The following PARD3B variants were observed in gnomAD, a reference collection of about 807,000 sequenced individuals.
The protein encoded by PARD3B is partitioning defective 3 homolog B.
A neutral mutation model predicts 130.2 loss-of-function variants in PARD3B; 103 were observed. The ratio of observed to expected loss-of-function variants is 0.79; its 90% confidence interval spans 0.67 to 0.93. The LOEUF is 0.93. Ranked by LOEUF, PARD3B falls within the 40% of genes least tolerant of loss-of-function variation. The pLI is 0.00. For missense variants in PARD3B, 1,609 were observed against 1,499.2 expected, an observed-to-expected ratio of 1.07 and a Z score of -1.21; for synonymous variants, 583 against 553.2, an observed-to-expected ratio of 1.05 and a Z score of -0.76.
intron 22 of PARD3B, among the ~76,000 whole-genome samples, chr2:205,612,358 T>A (rs1052614718): frequency 1.3e-5 from 2 of 152,108 alleles, no homozygotes; most frequent in African/African-American, 4.8e-5. Context: ...ACCAGGCTGG[T>A]CTCAAACTCC....
At position 205,572,113 on chromosome 2, in the gene PARD3B, A is replaced by G. The variant is rs2053579358; in HGVS notation, c.3260+18710A>G. Among the ~76,000 whole-genome samples the G allele has an allele frequency of 6.6e-6, 1 of 152,152 alleles. No homozygotes were observed. Among genetic ancestry groups the G allele is most frequent in the African/African-American group, 2.4e-5 (1 of 41,438 alleles). Reference sequence around the variant, plus strand: ...ATTTATTGATTCATTCATTCAGTAAACTTTTACATAAATACTACTATATAG... The same window carrying G: ...ATTTATTGATTCATTCATTCAGTAAGCTTTTACATAAATACTACTATATAG... On this transcript the variant is annotated intron_variant, in intron 22 of 22. Coordinates refer to ENST00000406610, the MANE Select transcript of PARD3B (RefSeq NM_001302769.2). The surrounding 1 kb of genome is among the most constrained non-coding windows in gnomAD (Gnocchi z 4.2).
chr2:205,191,678 TC>T (rs1335309349), intron 14 of PARD3B, among the ~76,000 whole-genome samples: 1 of 152,222 alleles, frequency 6.6e-6, no homozygotes, highest in Non-Finnish European at 1.5e-5. Flanking sequence ...CTCATTCTAT[TC>T]TCTCAACAAC....
intron 18 of PARD3B, among the ~76,000 whole-genome samples, chr2:205,337,026 A>C (rs1487498051): frequency 6.6e-6 from 1 of 151,982 alleles, no homozygotes; most frequent in Non-Finnish European, 1.5e-5. Context: ...ATGTAACCTA[A>C]CAAGTGTTAT....
At chr2:204,788,338 G>A (rs2042082668) in intron 2 of PARD3B, among the ~76,000 whole-genome samples, 1 of 152,222 alleles carries the variant, frequency 6.6e-6, no homozygotes, top group Non-Finnish European at 1.5e-5. Context: ...TTATCTCATA[G>A]GGATTGTCTA....
intron 3 of PARD3B, among the ~76,000 whole-genome samples, chr2:204,974,868 T>G (rs1439213713): frequency 6.6e-6 from 1 of 152,202 alleles, no homozygotes; most frequent in South Asian, 2.1e-4. Context: ...CAATAATTAT[T>G]TATTGATAAC....
chr2:205,463,560 A>C lies in PARD3B; in HGVS notation c.3044+22888A>C, dbSNP rs1298934292. Among the ~76,000 whole-genome samples, 1 of 152,194 alleles carries C rather than the reference A, an allele frequency of 6.6e-6. No individual in the cohort carries two copies. Among genetic ancestry groups the C allele is most frequent in the Non-Finnish European group, 1.5e-5 (1 of 68,034 alleles). The stretch of plus-strand genomic sequence containing the variant: ...TCTGAGAACGGGGAGAGAGATCATT[A>C]CACTTCTGCTCATGGTTAGCTATTT... On this transcript the variant is annotated intron_variant, in intron 20 of 22. Transcript: ENST00000406610. The surrounding 1 kb of genome is among the most constrained non-coding windows in gnomAD (Gnocchi z 4.8).
intron 4 of PARD3B, among the ~76,000 whole-genome samples, chr2:205,053,342 A>G (rs778722497): frequency 4.0e-4 from 60 of 149,832 alleles, no homozygotes; most frequent in Non-Finnish European, 3.4e-4. Context: ...GCTGACTATC[A>G]AAATCCAACA....
In PARD3B at chr2:204,669,072, G is replaced by A. The variant is rs2036160017; in HGVS notation, c.121-17109G>A. Among the ~76,000 whole-genome samples the A allele has an allele frequency of 6.6e-6, 1 of 152,166 alleles. No individual in the cohort carries two copies. The highest frequency in any genetic ancestry group is 1.5e-5 in the Non-Finnish European group (1 of 68,012). On this transcript the variant is annotated intron_variant, in intron 1 of 22. Coordinates refer to ENST00000406610, the MANE Select transcript of PARD3B (RefSeq NM_001302769.2). This position sits in a 1 kb window ranked among gnomAD's most constrained non-coding sequence, Gnocchi z 4.3. ...CCACTCACATCTTGATGTTCACCTA[G>A]TAAGATCCACGCCTGACTTCAGGCC...
At chr2:204,783,909 G>C (rs942405338) in intron 2 of PARD3B, among the ~76,000 whole-genome samples, 13 of 152,132 alleles carry the variant, frequency 8.5e-5, no homozygotes, top group Admixed American at 7.9e-4. Context: ...TTGGAATACA[G>C]TATAAAAACT....
rs1337059490 is a variant in PARD3B at position 205,187,732 on chromosome 2, T to C, written c.2024+1869T>C. 6.6e-6 allele frequency among the ~76,000 whole-genome samples: 1 copy of C among 152,218 alleles called. No individual in the cohort carries two copies. Among genetic ancestry groups the C allele is most frequent in the Non-Finnish European group, 1.5e-5 (1 of 68,036 alleles). On this transcript the variant is annotated intron_variant, in intron 14 of 22. Transcript: ENST00000406610. The surrounding 1 kb of genome is among the most constrained non-coding windows in gnomAD (Gnocchi z 4.9). ...AAAAGTTTATATTGCTCCTCGCTGC[T>C]GTAAATCTTCATTACATGGTATGAA...
chr2:204,614,262 A>C (rs1024392142), intron 1 of PARD3B, among the ~76,000 whole-genome samples: 4 of 152,190 alleles, frequency 2.6e-5, no homozygotes, highest in African/African-American at 9.7e-5. Flanking sequence ...TTTCCCAATA[A>C]ATCCAAAATA....
At position 205,021,598 on chromosome 2, in the gene PARD3B, C is replaced by CT. The variant is rs1176277492; in HGVS notation, c.395-25982dup. Among the ~76,000 whole-genome samples, 1 of 131,206 alleles carries CT rather than the reference C, an allele frequency of 7.6e-6. No individual in the cohort carries two copies. The highest frequency in any genetic ancestry group is 3.5e-5 in the African/African-American group (1 of 28,188). 86.1% of individuals were successfully genotyped at this position (131,206 alleles called of 152,430 possible). A position where few individuals can be genotyped will look rare whatever the true frequency, so the allele number is the denominator to read the frequency against. On this transcript the variant is annotated intron_variant, in intron 3 of 22. Transcript: ENST00000406610. This position sits in a 1 kb window ranked among gnomAD's most constrained non-coding sequence, Gnocchi z 4.5. ...CTCTCTTCTCTCTCTCTTCTCTTCT[C>CT]TCTCTCTCTCTCTCTCTCTCTCCCT...
chr2:205,378,309 T>C (rs1483229777), intron 18 of PARD3B, among the ~76,000 whole-genome samples: 4 of 152,184 alleles, frequency 2.6e-5, no homozygotes, highest in Non-Finnish European at 4.4e-5. Context: ...CTGATCTCAG[T>C]GCCCTGAACA....
chr2:205,380,196 A>G (rs1389594251), intron 18 of PARD3B, among the ~76,000 whole-genome samples: 1 of 76,676 alleles, frequency 1.3e-5, no homozygotes, highest in African/African-American at 7.2e-5. Context: ...AATATATATT[A>G]TATAATATGT....
chr2:205,485,270 T>C (rs2049393711), intron 20 of PARD3B, among the ~76,000 whole-genome samples: 1 of 152,178 alleles, frequency 6.6e-6, no homozygotes, highest in African/African-American at 2.4e-5. Flanking sequence ...TGCTGATGCA[T>C]CGTGCTTCAT....
chr2:205,381,716 G>A (rs2045456466), intron 18 of PARD3B, among the ~76,000 whole-genome samples: 1 of 151,922 alleles, frequency 6.6e-6, no homozygotes, highest in South Asian at 2.1e-4. Flanking sequence ...TGTATTGGTA[G>A]ACAATTAAAT....
Position 205,125,849 on chromosome 2 carries a change from A to G in PARD3B, c.1434+112A>G, listed in dbSNP as rs907363434. On this transcript the variant is annotated intron_variant, in intron 10 of 22. Coordinates refer to ENST00000406610, the MANE Select transcript of PARD3B (RefSeq NM_001302769.2). The surrounding 1 kb of genome is among the most constrained non-coding windows in gnomAD (Gnocchi z 4.0). ...AAATCACAGGCTTCATTCATAACCA[A>G]AATTGAATCACACTCAGGGTATTTT... 5.2e-5 allele frequency: 73 copies of G among 1,395,042 alleles called. No homozygotes were observed. In the Admixed American group the frequency reaches 1.5e-3, roughly 29 times the overall value. The allele number at this position is 1,395,042 out of a possible 1,614,324, so 86.4% of individuals were successfully genotyped here.
chr2:205,460,939 A>G lies in PARD3B; in HGVS notation c.3044+20267A>G, dbSNP rs1254898701. Among the ~76,000 whole-genome samples, 1 of 152,196 alleles carries G rather than the reference A, an allele frequency of 6.6e-6. No individual in the cohort carries two copies. Among genetic ancestry groups the G allele is most frequent in the Non-Finnish European group, 1.5e-5 (1 of 68,028 alleles). ...AGAAACCACTGATGATGTATTCTGT[A>G]CCAGCTTAGCCTCCAGTCCAGGGCT... On this transcript the variant is annotated intron_variant, in intron 20 of 22. Coordinates refer to ENST00000406610, the MANE Select transcript of PARD3B (RefSeq NM_001302769.2). The surrounding 1 kb of genome is among the most constrained non-coding windows in gnomAD (Gnocchi z 4.9).
At chr2:204,787,019 C>CTTTTTATATGGCTTTTTT (rs2042034215) in intron 2 of PARD3B, among the ~76,000 whole-genome samples, 2 of 151,984 alleles carry the variant, frequency 1.3e-5, no homozygotes, top group Non-Finnish European at 2.9e-5. Context: ...ACAACACGTA[C>CTTTTTATATGGCTTTTTT]TTTTTTTGTT....
Sources: allele counts gnomAD v4.1 joint callset (sites outside exome capture counted in the v4.1 genomes callset), GRCh38; gene constraint gnomAD v4.1.1; non-coding constraint Gnocchi (gnomAD v3.1); transcripts MANE v1.5; gene names NCBI Gene and HGNC (gene_info 2026-07-23, HGNC 2026-07-21).